Variants in ACOT7 observed in about 807,000 individuals in gnomAD.
The protein encoded by ACOT7 is cytosolic acyl coenzyme A thioester hydrolase.
A neutral mutation model predicts 40.2 loss-of-function variants in ACOT7; 12 were observed. The observed-to-expected ratio is 0.30, with a 90% CI of 0.19 to 0.48. ACOT7 has a LOEUF of 0.48. ACOT7 is among the 20% of genes least tolerant of loss of function. ACOT7 has a pLI of 0.99. For synonymous variants in ACOT7, 228 were observed against 219.5 expected, an observed-to-expected ratio of 1.04 and a Z score of -0.34; for missense variants, 395 against 530.8, an observed-to-expected ratio of 0.74 and a Z score of 2.51.
At position 6,306,567 on chromosome 1, in the gene ACOT7, C is replaced by G. The variant is rs1557642591; in HGVS notation, c.713-11587G>C. 1 of 985,220 alleles carries G rather than the reference C, an allele frequency of 1.0e-6. No homozygotes were observed. The highest frequency in any genetic ancestry group is 6.1e-5 in the Admixed American group (1 of 16,264). The allele number at this position is 985,220 out of a possible 1,614,324, so 61.0% of individuals were successfully genotyped here. ...CTTCAGAACAGAAGAACCTGGAGAA[C>G]GATGTTTTCAAACACCAAGATCCTA... is the stretch of plus-strand genomic sequence containing the variant. On this transcript the variant is annotated intron_variant, in intron 6 of 8. Transcript: ENST00000361521. The surrounding 1 kb of genome is among the most constrained non-coding windows in gnomAD (Gnocchi z 4.3).
intron 1 of ACOT7, among the ~76,000 whole-genome samples, chr1:6,350,229 A>C (rs1304942380): frequency 1.3e-5 from 2 of 152,174 alleles, no homozygotes; most frequent in Non-Finnish European, 2.9e-5. Flanking sequence ...CCCAGTGACC[A>C]ACACACAGAC....
rs34990815 is a variant in ACOT7 at position 6,275,716 on chromosome 1, C to CAAAA, written c.1014+5382_1014+5385dup. On this transcript the variant is annotated intron_variant, in intron 8 of 8. Transcript: ENST00000361521. This position sits in a 1 kb window ranked among gnomAD's most constrained non-coding sequence, Gnocchi z 5.6. The stretch of plus-strand genomic sequence containing the variant: ...TGGGCGACAGAGTGAGGCTCCGTCT[C>CAAAA]AAAAAAAAAAAAAAAAAAAAAAAAA... Among the ~76,000 whole-genome samples the CAAAA allele has an allele frequency of 9.0e-5, 5 of 55,532 alleles. No individual in the cohort carries two copies. The highest frequency in any genetic ancestry group is 1.3e-4 in the African/African-American group (2 of 14,930). The allele number at this position is 55,532 out of a possible 152,430, so 36.4% of individuals were successfully genotyped here.
chr1:6,315,824 T>C (rs1252743616), intron 6 of ACOT7, among the ~76,000 whole-genome samples: 2 of 150,890 alleles, frequency 1.3e-5, no homozygotes, highest in African/African-American at 4.9e-5. Context: ...TTTTTACAAA[T>C]TGTGGGCAGA....
Position 6,306,674 on chromosome 1 carries a change from G to A in ACOT7, c.713-11694C>T. ...AAGAAAGCGGCGTCCCAAAGCATTT[G>A]TTTGTTCACCTCTTGATCCCCCTAG... is the stretch of plus-strand genomic sequence containing the variant. On this transcript the variant is annotated intron_variant, in intron 6 of 8. Transcript: ENST00000361521. This position sits in a 1 kb window ranked among gnomAD's most constrained non-coding sequence, Gnocchi z 4.3. 1.0e-6 allele frequency: 1 copy of A among 985,404 alleles called. No homozygotes were observed. Among genetic ancestry groups the A allele is most frequent in the Non-Finnish European group, 1.2e-6 (1 of 829,920 alleles). The allele number at this position is 985,404 out of a possible 1,614,324, so 61.0% of individuals were successfully genotyped here.
chr1:6,376,605 T>C (rs190767198), intron 1 of ACOT7, among the ~76,000 whole-genome samples: 4 of 151,472 alleles, frequency 2.6e-5, no homozygotes, highest in African/African-American at 7.3e-5. Context: ...CATGTGCCTA[T>C]AATCCCAGCT....
intron 1 of ACOT7, among the ~76,000 whole-genome samples, chr1:6,354,827 C>T (rs1397718324): frequency 1.6e-5 from 2 of 127,962 alleles, no homozygotes; most frequent in South Asian, 3.0e-4. Flanking sequence ...TCTACACTGG[C>T]CTCTTGTTCC....
intron 8 of ACOT7, among the ~76,000 whole-genome samples, chr1:6,267,922 T>C (rs983763522): frequency 1.3e-5 from 2 of 152,080 alleles, no homozygotes; most frequent in Non-Finnish European, 2.9e-5. Flanking sequence ...CACAGCAGAG[T>C]TGCGGGGACC....
intron 6 of ACOT7, among the ~76,000 whole-genome samples, chr1:6,317,122 G>A (rs1640517293): frequency 1.3e-5 from 2 of 152,196 alleles, no homozygotes; most frequent in Non-Finnish European, 1.5e-5. Context: ...GCCTGGGACA[G>A]ATGAATAGCT....
intron 6 of ACOT7, among the ~76,000 whole-genome samples, chr1:6,300,289 G>A (rs1382260167): frequency 1.3e-5 from 2 of 152,178 alleles, no homozygotes; most frequent in African/African-American, 4.8e-5. Context: ...TGATGCTGCT[G>A]GGGGCCGTGA....
intron 7 of ACOT7, among the ~76,000 whole-genome samples, chr1:6,293,039 G>A (rs1281397767): frequency 2.6e-5 from 4 of 151,688 alleles, no homozygotes; most frequent in East Asian, 1.9e-4. Flanking sequence ...ACAGGCACCC[G>A]CCACCACGCC....
chr1:6,291,830 C>T (rs1389329792), intron 7 of ACOT7, among the ~76,000 whole-genome samples: 2 of 152,206 alleles, frequency 1.3e-5, no homozygotes, highest in Non-Finnish European at 2.9e-5. Context: ...CACACACCCA[C>T]CCAGTGTCAC....
In ACOT7 at chr1:6,333,516, C is replaced by T. The variant is rs1468786046; in HGVS notation, c.471G>A (p.Leu157=). 6.2e-7 allele frequency: 1 copy of T among 1,614,266 alleles called. No homozygotes were observed. The highest frequency in any genetic ancestry group is 8.5e-7 in the Non-Finnish European group (1 of 1,180,044). Residue 157 remains leucine (L), a synonymous_variant, in exon 4 of 9, where the codon CTG becomes CTA. Transcript: ENST00000361521. Reference sequence around the variant, plus strand: ...CCTCGAGGACCTTGTCCACATTCTTCAGCGACAGGGGCACATACCACAGGG... The same window carrying T: ...CCTCGAGGACCTTGTCCACATTCTTTAGCGACAGGGGCACATACCACAGGG... The part of the protein sequence containing the change: ...KATLWYVPLS[L]KNVDKVLEVP...
chr1:6,362,970 G>A (rs967818089), intron 1 of ACOT7, among the ~76,000 whole-genome samples: 1 of 152,066 alleles, frequency 6.6e-6, no homozygotes, highest in Admixed American at 6.6e-5. Context: ...GAGACCAAGG[G>A]CATGAGCTTT....
rs1019147085 is a variant in ACOT7 at position 6,338,797 on chromosome 1, G to A, written c.418+636C>T. ...GGACCAGGGGCAGGGGAAGAGGCCC[G>A]CCTTCCCCCTCACCTCCCGTCCCCA... On this transcript the variant is annotated intron_variant, in intron 3 of 8. Coordinates refer to ENST00000361521, the MANE Select transcript of ACOT7 (RefSeq NM_007274.4). The surrounding 1 kb of genome is among the most constrained non-coding windows in gnomAD (Gnocchi z 4.4). 1.1e-4 allele frequency among the ~76,000 whole-genome samples: 16 copies of A among 152,106 alleles called. No homozygotes were observed. Among genetic ancestry groups the A allele is most frequent in the East Asian group, 1.9e-4 (1 of 5,182 alleles).
intron 7 of ACOT7, among the ~76,000 whole-genome samples, chr1:6,287,266 G>T (rs1345733459): frequency 6.6e-6 from 1 of 152,250 alleles, no homozygotes; most frequent in African/African-American, 2.4e-5. Flanking sequence ...GCCAGGTGGG[G>T]TTTAGGCCAG....
At chr1:6,368,469 G>A (rs1642063278) in intron 1 of ACOT7, among the ~76,000 whole-genome samples, 1 of 152,174 alleles carries the variant, frequency 6.6e-6, no homozygotes, top group African/African-American at 2.4e-5. Context: ...ATATGCAGGT[G>A]CAGCATCACC....
chr1:6,360,615 A>T (rs751122971), intron 1 of ACOT7: 5 of 1,614,152 alleles, frequency 3.1e-6, no homozygotes, highest in Non-Finnish European at 4.2e-6. Flanking sequence ...TTCCTTTCTG[A>T]GGACGTTTAG....
chr1:6,284,331 C>G (rs1249071156), intron 7 of ACOT7, among the ~76,000 whole-genome samples: 2 of 152,074 alleles, frequency 1.3e-5, no homozygotes, highest in African/African-American at 4.8e-5. Flanking sequence ...AATCCCAGCA[C>G]TCTGGGAGGC....
In ACOT7 at chr1:6,278,157, GA is replaced by G. The variant is rs1305494723; in HGVS notation, c.1014+2944del. Among the ~76,000 whole-genome samples, 3 of 152,084 alleles carry G rather than the reference GA, an allele frequency of 2.0e-5. No individual in the cohort carries two copies. Among genetic ancestry groups the G allele is most frequent in the African/African-American group, 7.2e-5 (3 of 41,402 alleles). Reference sequence around the variant, plus strand: ...GAGCGGTTGTGGGTGCCCTTCTAAGGAAAAAACGTCTGAGAAGTGCTGTAGC... The same window carrying G: ...GAGCGGTTGTGGGTGCCCTTCTAAGGAAAAACGTCTGAGAAGTGCTGTAGC... On this transcript the variant is annotated intron_variant, in intron 8 of 8. Coordinates refer to ENST00000361521, the MANE Select transcript of ACOT7 (RefSeq NM_007274.4). The surrounding 1 kb of genome is among the most constrained non-coding windows in gnomAD (Gnocchi z 4.1).
Sources: allele counts gnomAD v4.1 joint callset (sites outside exome capture counted in the v4.1 genomes callset), GRCh38; gene constraint gnomAD v4.1.1; non-coding constraint Gnocchi (gnomAD v3.1); transcripts MANE v1.5; gene names NCBI Gene and HGNC (gene_info 2026-07-23, HGNC 2026-07-21).